Variants in ARHGAP15 observed in about 807,000 individuals in gnomAD.
ARHGAP15 encodes the protein rho GTPase-activating protein 15.
ARHGAP15 carries 51 observed loss-of-function variants against 63.7 expected under a neutral mutation model. The observed-to-expected ratio is 0.80, with a 90% confidence interval of 0.64 to 1.01. ARHGAP15 has a LOEUF of 1.01. Among genes scored for constraint, ARHGAP15 ranks in the 50% least tolerant of loss-of-function variants. ARHGAP15 has a pLI of 0.00. For missense variants in ARHGAP15, 560 were observed against 564.6 expected (o/e 0.99, Z 0.08); for synonymous variants, 191 against 193.8 (o/e 0.99, Z 0.12).
chr2:143,527,658 G>A (rs1402091641), intron 10 of ARHGAP15, among the ~76,000 whole-genome samples: 1 of 151,954 alleles, frequency 6.6e-6, no homozygotes, highest in Non-Finnish European at 1.5e-5. Context: ...TATATCTAGG[G>A]TGTAAGTATA....
chr2:143,685,040 G>A (rs1297985188), intron 12 of ARHGAP15, among the ~76,000 whole-genome samples: 4 of 152,184 alleles, frequency 2.6e-5, no homozygotes, highest in African/African-American at 9.7e-5. Flanking sequence ...TCAAATAAAA[G>A]TGAGGGGGGC....
chr2:143,384,226 T>C (rs1168900614), intron 6 of ARHGAP15, among the ~76,000 whole-genome samples: 1 of 152,050 alleles, frequency 6.6e-6, no homozygotes, highest in Non-Finnish European at 1.5e-5. Context: ...ATGGAGTTGA[T>C]GGAGATAAAA....
At chr2:143,518,150 TA>T (rs1693902156) in intron 9 of ARHGAP15, among the ~76,000 whole-genome samples, 1 of 152,180 alleles carries the variant, frequency 6.6e-6, no homozygotes, top group South Asian at 2.1e-4. Flanking sequence ...GTGGTACATT[TA>T]AAAATGGTGG....
intron 13 of ARHGAP15, among the ~76,000 whole-genome samples, chr2:143,749,264 C>T (rs971004847): frequency 4.6e-5 from 7 of 152,140 alleles, no homozygotes; most frequent in African/African-American, 1.2e-4. Context: ...CACCCGGCTC[C>T]GAGAATATTT....
intron 11 of ARHGAP15, among the ~76,000 whole-genome samples, chr2:143,585,863 C>T (rs769911533): frequency 1.3e-5 from 2 of 151,862 alleles, no homozygotes; most frequent in Non-Finnish European, 2.9e-5. Context: ...ATATGTTCAC[C>T]CCTTTGTTAT....
At chr2:143,538,701 G>A (rs1359784081) in intron 10 of ARHGAP15, among the ~76,000 whole-genome samples, 1 of 152,122 alleles carries the variant, frequency 6.6e-6, no homozygotes, top group Non-Finnish European at 1.5e-5. Context: ...TTCATATGTT[G>A]AACCAGCCTT....
intron 13 of ARHGAP15, among the ~76,000 whole-genome samples, chr2:143,709,132 A>G (rs1684461284): frequency 6.6e-6 from 1 of 152,226 alleles, no homozygotes; most frequent in African/African-American, 2.4e-5. Context: ...TGATAAAAAT[A>G]ATACATAATT....
chr2:143,718,817 T>C (rs188808108), intron 13 of ARHGAP15, among the ~76,000 whole-genome samples: 22 of 152,310 alleles, frequency 1.4e-4, no homozygotes, highest in Non-Finnish European at 2.6e-4. Flanking sequence ...GTACTTACTG[T>C]GTGGTAGATG....
At chr2:143,204,869 C>T (rs1389253700) in intron 3 of ARHGAP15, among the ~76,000 whole-genome samples, 1 of 151,962 alleles carries the variant, frequency 6.6e-6, no homozygotes, top group Non-Finnish European at 1.5e-5. Context: ...TTGGATATCT[C>T]ATATGTTCCT....
intron 6 of ARHGAP15, among the ~76,000 whole-genome samples, chr2:143,413,409 G>A (rs781423378): frequency 7.9e-5 from 12 of 152,020 alleles, no homozygotes; most frequent in East Asian, 1.9e-4. Context: ...GAATATAAAC[G>A]GCAATTTTGT....
chr2:143,307,463 G>A (rs1683226287), intron 6 of ARHGAP15, among the ~76,000 whole-genome samples: 1 of 152,134 alleles, frequency 6.6e-6, no homozygotes, highest in Non-Finnish European at 1.5e-5. Context: ...ATATGGATAA[G>A]TTTTAAATGC....
At chr2:143,674,114 C>G (rs1029814148) in intron 12 of ARHGAP15, among the ~76,000 whole-genome samples, 1 of 151,996 alleles carries the variant, frequency 6.6e-6, no homozygotes, top group African/African-American at 2.4e-5. Context: ...TGAACATGCT[C>G]CTAATCCATG....
chr2:143,542,870 GTA>G (rs992328816), intron 10 of ARHGAP15, among the ~76,000 whole-genome samples: 3 of 139,258 alleles, frequency 2.2e-5, no homozygotes, highest in Admixed American at 7.5e-5. Flanking sequence ...CACATATATA[GTA>G]TATATATGAT....
At chr2:143,413,036 G>T (rs905315321) in intron 6 of ARHGAP15, among the ~76,000 whole-genome samples, 1 of 151,880 alleles carries the variant, frequency 6.6e-6, no homozygotes, top group Non-Finnish European at 1.5e-5. Flanking sequence ...TGAAAATATT[G>T]TATCTATATC....
chr2:143,291,034 TCTGTG>T (rs1209013178), intron 6 of ARHGAP15, among the ~76,000 whole-genome samples: 1 of 152,078 alleles, frequency 6.6e-6, no homozygotes, highest in Non-Finnish European at 1.5e-5. Flanking sequence ...ACAGTACTGT[TCTGTG>T]GCCTGAAAGT....
At chr2:143,397,802 A>G (rs577684368) in intron 6 of ARHGAP15, among the ~76,000 whole-genome samples, 1 of 152,238 alleles carries the variant, frequency 6.6e-6, no homozygotes, top group East Asian at 1.9e-4. Flanking sequence ...CTATCTCACA[A>G]TGTTTCATCT....
At chr2:143,382,307 A>G (rs1021908596) in intron 6 of ARHGAP15, among the ~76,000 whole-genome samples, 1 of 152,132 alleles carries the variant, frequency 6.6e-6, no homozygotes, top group African/African-American at 2.4e-5. Flanking sequence ...AGGTGTCTTC[A>G]GGGCACGCTC....
intron 3 of ARHGAP15, among the ~76,000 whole-genome samples, chr2:143,207,495 AACAC>A (rs70982851): frequency 0.2 from 29,727 of 145,680 alleles, 3,115 homozygotes; most frequent in East Asian, 0.37. Flanking sequence ...CACACACATA[AACAC>A]ACACACACAC....
intron 6 of ARHGAP15, among the ~76,000 whole-genome samples, chr2:143,349,715 C>T (rs1257287653): frequency 1.3e-5 from 2 of 152,140 alleles, no homozygotes; most frequent in African/African-American, 4.8e-5. Context: ...TCACAACAAA[C>T]TCCAGAGTCC....
Sources: allele counts gnomAD v4.1 joint callset (sites outside exome capture counted in the v4.1 genomes callset), GRCh38; gene constraint gnomAD v4.1.1; transcripts MANE v1.5; gene names NCBI Gene and HGNC (gene_info 2026-07-23, HGNC 2026-07-21).